Variants in ADAMTS16 observed in about 807,000 individuals in gnomAD.
ADAMTS16 encodes the protein ADAM metallopeptidase with thrombospondin type 1 motif 16, also known as A disintegrin and metalloproteinase with thrombospondin motifs 16.
A neutral mutation model predicts 145.8 loss-of-function variants in ADAMTS16; 94 were observed. The observed-to-expected ratio is 0.64, with a 90% CI of 0.55 to 0.77. The LOEUF is 0.77. Among genes scored for constraint, ADAMTS16 ranks in the 30% least tolerant of loss-of-function variants. The pLI, the probability that ADAMTS16 is intolerant of heterozygous loss-of-function variation, is 0.00. For missense variants in ADAMTS16, 1,585 were observed against 1,591.5 expected (o/e 1.00, Z 0.07); for synonymous variants, 659 against 604.3 (o/e 1.09, Z -1.33).
chr5:5,289,455 T>A (rs1250255401), intron 18 of ADAMTS16, among the ~76,000 whole-genome samples: 1 of 152,238 alleles, frequency 6.6e-6, no homozygotes, highest in African/African-American at 2.4e-5. Context: ...GTTGTTTCAT[T>A]GTTAACATTC....
In ADAMTS16 at chr5:5,319,087, C is replaced by G; in HGVS notation, c.3624C>G (p.His1208Gln). ...TACCCCAGCACGGGATGTGCAGCCA[C>G]AAGTTCTACGGCAAGCAGTGCTGCA... ...YLVPQHGMCS[H>Q]KFYGKQCCKT... The change falls in exon 23 of 23, where the codon CAC becomes CAG. Residue 1208 changes from histidine (H) to glutamine (Q), a missense_variant. His to Gln is a conservative substitution (Grantham distance 24, BLOSUM62 0). Coordinates refer to ENST00000274181, the MANE Select transcript of ADAMTS16 (RefSeq NM_139056.4). The G allele has an allele frequency of 6.2e-7, 1 of 1,613,578 alleles. No homozygotes were observed. Among genetic ancestry groups the G allele is most frequent in the Non-Finnish European group, 8.5e-7 (1 of 1,179,868 alleles).
chr5:5,282,092 G>T (rs985440706), intron 18 of ADAMTS16, among the ~76,000 whole-genome samples: 12 of 143,066 alleles, frequency 8.4e-5, no homozygotes, highest in Non-Finnish European at 1.8e-4. Flanking sequence ...CTCATGAGTG[G>T]CTGGTTTGGG....
intron 18 of ADAMTS16, among the ~76,000 whole-genome samples, chr5:5,295,125 A>T (rs1351531291): frequency 1.3e-5 from 2 of 152,254 alleles, no homozygotes; most frequent in Non-Finnish European, 2.9e-5. Flanking sequence ...GGGTCTGCCT[A>T]TGGAAGGATC....
intron 3 of ADAMTS16, among the ~76,000 whole-genome samples, chr5:5,156,458 A>C (rs1348960240): frequency 1.3e-5 from 2 of 152,208 alleles, no homozygotes; most frequent in Non-Finnish European, 2.9e-5. Context: ...AAGAGATCCC[A>C]AAAACTGAAG....
rs117425300 is a variant in ADAMTS16 at position 5,252,794 on chromosome 5, G to A, written c.2663-9863G>A. Among the ~76,000 whole-genome samples, 37 of 152,236 alleles carry A rather than the reference G, an allele frequency of 2.4e-4. 1 individual carries two copies. In the East Asian group the frequency reaches 7.2e-3, roughly 29 times the overall value. On this transcript the variant is annotated intron_variant, in intron 17 of 22. Coordinates refer to ENST00000274181, the MANE Select transcript of ADAMTS16 (RefSeq NM_139056.4). Reference sequence around the variant, plus strand: ...CACCAGGCAGTTTCCGTCCCCCTATGCAGGAAAGGCCATGCCATATGTAAG... The same window carrying A: ...CACCAGGCAGTTTCCGTCCCCCTATACAGGAAAGGCCATGCCATATGTAAG...
rs1402276248 is a variant in ADAMTS16 at position 5,187,875 on chromosome 5, T to A, written c.1047+67T>A. 3 of 1,108,024 alleles carry A rather than the reference T, an allele frequency of 2.7e-6. No individual in the cohort carries two copies. The East Asian group carries it at 7.4e-5, about 27-fold the overall frequency. The allele number at this position is 1,108,024 out of a possible 1,614,324, so 68.6% of individuals were successfully genotyped here. A position where few individuals can be genotyped will look rare whatever the true frequency, so the allele number is the denominator to read the frequency against. On this transcript the variant is annotated intron_variant, in intron 6 of 22. Transcript: ENST00000274181. ...AAAATAAATGCAAAATAATGCTTTT[T>A]TCTTTAATATAATTGTTCTATGGGT...
intron 9 of ADAMTS16, among the ~76,000 whole-genome samples, chr5:5,205,920 T>C (rs1736094080): frequency 1.3e-5 from 2 of 152,238 alleles, no homozygotes; most frequent in Admixed American, 1.3e-4. Context: ...TCTTGACATT[T>C]ATTTCACAGA....
intron 11 of ADAMTS16, among the ~76,000 whole-genome samples, chr5:5,228,436 A>C (rs184677441): frequency 3.4e-4 from 52 of 152,332 alleles, no homozygotes; most frequent in African/African-American, 1.2e-3. Flanking sequence ...AAAGAAGCTA[A>C]GTAACATTTA....
In ADAMTS16 at chr5:5,319,054, C is replaced by T; in HGVS notation, c.3591C>T (p.Cys1197=). ...DAFCKDYFHW[C]YLVPQHGMCS... is the part of the protein sequence containing the mutation. Reference sequence around the variant, plus strand: ...TCTGCAAAGACTACTTCCACTGGTGCTACCTGGTACCCCAGCACGGGATGT... The same window carrying T: ...TCTGCAAAGACTACTTCCACTGGTGTTACCTGGTACCCCAGCACGGGATGT... The change falls in exon 23 of 23, where the codon TGC becomes TGT. Residue 1197 remains cysteine, a synonymous_variant. Transcript: ENST00000274181. 6.2e-7 allele frequency: 1 copy of T among 1,613,384 alleles called. No homozygotes were observed. Among genetic ancestry groups the T allele is most frequent in the Non-Finnish European group, 8.5e-7 (1 of 1,179,792 alleles).
At chr5:5,159,831 C>T (rs950855633) in intron 3 of ADAMTS16, among the ~76,000 whole-genome samples, 1 of 152,190 alleles carries the variant, frequency 6.6e-6, no homozygotes, top group Admixed American at 6.5e-5. Context: ...ATTCCCAACA[C>T]CGGGAGATCA....
rs74522150 is a variant in ADAMTS16, at chr5:5,319,885, T to A, written c.*747T>A. On this transcript the variant is annotated 3_prime_UTR_variant, in exon 23 of 23. Coordinates refer to ENST00000274181, the MANE Select transcript of ADAMTS16 (RefSeq NM_139056.4). ...TACTTTATGTTTTATCTTTCTCAGT[T>A]ATTTGCAAGTGAGTGTCCTTTTAAA... 2,744 of 455,918 alleles carry A rather than the reference T, an allele frequency of 6.0e-3. 68 individuals are homozygous for A. The highest frequency in any genetic ancestry group is 0.049 in the African/African-American group (2,449 of 50,164). 28.2% of individuals were successfully genotyped at this position (455,918 alleles called of 1,614,324 possible).
At chr5:5,156,717 A>G (rs1734613683) in intron 3 of ADAMTS16, among the ~76,000 whole-genome samples, 1 of 152,176 alleles carries the variant, frequency 6.6e-6, no homozygotes, top group South Asian at 2.1e-4. Flanking sequence ...TGACTCATAC[A>G]GGTATAAATT....
intron 3 of ADAMTS16, among the ~76,000 whole-genome samples, chr5:5,149,001 G>A (rs895785516): frequency 1.3e-5 from 2 of 152,130 alleles, no homozygotes; most frequent in South Asian, 2.1e-4. Flanking sequence ...AAGTTAGAAC[G>A]TGATGCCCAT....
rs111785176 is a variant in ADAMTS16 at position 5,268,523 on chromosome 5, T to A, written c.2789+5740T>A. ...CGCACCTACCTCTCTGTTCCTTGAC[T>A]GTCCATCAAATGGTCTCCCCTGATT... On this transcript the variant is annotated intron_variant, in intron 18 of 22. Coordinates refer to ENST00000274181, the MANE Select transcript of ADAMTS16 (RefSeq NM_139056.4). Among the ~76,000 whole-genome samples the A allele has an allele frequency of 3.2e-4, 49 of 152,322 alleles. 1 individual carries two copies. The highest frequency in any genetic ancestry group is 1.1e-3 in the African/African-American group (47 of 41,576).
At chr5:5,225,324 G>T (rs1006022943) in intron 11 of ADAMTS16, among the ~76,000 whole-genome samples, 2 of 152,128 alleles carry the variant, frequency 1.3e-5, no homozygotes, top group African/African-American at 2.4e-5. Context: ...GAAAGAGACC[G>T]GGCGCAGTGG....
chr5:5,168,700 A>AT (rs1734963709), intron 3 of ADAMTS16, among the ~76,000 whole-genome samples: 1 of 135,612 alleles, frequency 7.4e-6, no homozygotes, highest in African/African-American at 2.8e-5. Context: ...ATATAAATAT[A>AT]ATATATAATA....
At chr5:5,151,269 C>T (rs1734449110) in intron 3 of ADAMTS16, among the ~76,000 whole-genome samples, 1 of 151,146 alleles carries the variant, frequency 6.6e-6, no homozygotes, top group Non-Finnish European at 1.5e-5. Context: ...GCTGGAGTCT[C>T]ACCCTGTTGC....
chr5:5,234,869 CAAAAAAA>C (rs1553993127), intron 12 of ADAMTS16, 138 bp from the exon 13 acceptor site: 2 of 55,980 alleles, frequency 3.6e-5, no homozygotes, highest in Admixed American at 1.1e-3. Context: ...GACTCCATCT[CAAAAAAA>C]AAAAAAAAAA....
Position 5,268,378 on chromosome 5 carries a change from G to A in ADAMTS16, c.2789+5595G>A, listed in dbSNP as rs189824179. On this transcript the variant is annotated intron_variant, in intron 18 of 22. Coordinates refer to ENST00000274181, the MANE Select transcript of ADAMTS16 (RefSeq NM_139056.4). Reference sequence around the variant, plus strand: ...GCATTTGCGGTATCCTTGACTCACCGTACGTAGCACTGCAGACGAAGGTCT... The same window carrying A: ...GCATTTGCGGTATCCTTGACTCACCATACGTAGCACTGCAGACGAAGGTCT... 3.0e-3 allele frequency among the ~76,000 whole-genome samples: 456 copies of A among 152,252 alleles called. 9 individuals are homozygous for A. Among genetic ancestry groups the A allele is most frequent in the Non-Finnish European group, 8.7e-4 (59 of 68,020 alleles).
Sources: gnomAD v4.1 joint callset for allele counts (sites outside exome capture counted in the v4.1 genomes callset) on GRCh38, gnomAD v4.1.1 for gene constraint, MANE v1.5 for transcripts, NCBI Gene and HGNC (gene_info 2026-07-23, HGNC 2026-07-21) for gene names.